Variants in PLXNB2 observed in about 807,000 individuals in gnomAD.
PLXNB2 encodes the protein plexin-B2.
A neutral mutation model predicts 202.6 loss-of-function variants in PLXNB2; 85 were observed. That is an observed-to-expected ratio of 0.42 (90% CI 0.35 to 0.50). PLXNB2 has a LOEUF of 0.50. Ranked by LOEUF, PLXNB2 falls within the 20% of genes least tolerant of loss-of-function variation. PLXNB2 has a pLI of 0.02. For missense variants in PLXNB2, 2,063 were observed against 2,586.2 expected (o/e 0.80, Z 4.39); for synonymous variants, 1,239 against 1,137.6 (o/e 1.09, Z -1.79).
At chr22:50,296,289 C>G (rs2067262230) in intron 1 of PLXNB2, among the ~76,000 whole-genome samples, 1 of 144,232 alleles carries the variant, frequency 6.9e-6, no homozygotes, top group Non-Finnish European at 1.5e-5. Context: ...GGTGGTACAG[C>G]CTGAAGTCCC....
intron 2 of PLXNB2, among the ~76,000 whole-genome samples, chr22:50,294,290 C>T (rs981352824): frequency 2.0e-5 from 3 of 152,252 alleles, no homozygotes; most frequent in African/African-American, 2.4e-5. Flanking sequence ...ACAGCAACTC[C>T]GGCTGCTGCT....
chr22:50,305,702 C>T (rs759836920), intron 1 of PLXNB2, among the ~76,000 whole-genome samples: 5 of 152,240 alleles, frequency 3.3e-5, no homozygotes, highest in East Asian at 1.9e-4. Flanking sequence ...CTCCCTGGCA[C>T]GCACAGGTCA....
chr22:50,289,349 C>T lies in PLXNB2; in HGVS notation c.1068+168G>A, dbSNP rs904994310. 6.6e-6 allele frequency among the ~76,000 whole-genome samples: 1 copy of T among 152,208 alleles called. No homozygotes were observed. Among genetic ancestry groups the T allele is most frequent in the African/African-American group, 2.4e-5 (1 of 41,466 alleles). On this transcript the variant is annotated intron_variant, in intron 3 of 36. Transcript: ENST00000359337. This position sits in a 1 kb window ranked among gnomAD's most constrained non-coding sequence, Gnocchi z 8.0. ...CCCGACACAGGCCTGGGACTGGCGCCAGCGTGAATGGCATTGAGAGATGCG... is the reference window on the plus strand; with the variant it reads ...CCCGACACAGGCCTGGGACTGGCGCTAGCGTGAATGGCATTGAGAGATGCG...
rs377005887 is a variant in PLXNB2, at chr22:50,289,065, T to C, written c.1146A>G (p.Thr382=). ...TCAGGCCTCCACGCTGCAGCACGGC[T>C]GTGCCTCTGAGCCCGTCGCGGCTGC... The part of the protein sequence containing the change: ...PLGSRDGLRG[T]AVLQRGGLNL... The change falls in exon 4 of 37, where the codon ACA becomes ACG. Residue 382 remains threonine, a synonymous_variant. Transcript: ENST00000359337. The surrounding 1 kb of genome is among the most constrained non-coding windows in gnomAD (Gnocchi z 8.0). 1 of 1,605,648 alleles carries C rather than the reference T, an allele frequency of 6.2e-7. No homozygotes were observed. Among genetic ancestry groups the C allele is most frequent in the Non-Finnish European group, 8.5e-7 (1 of 1,175,942 alleles).
rs375805536 is a variant in PLXNB2, at chr22:50,291,585, C to T, written c.-13-988G>A. ...AGGACATGCGTGGTCCTCTCTCTTT[C>T]CCTCCCTACCAGACTCAACTGCATC... On this transcript the variant is annotated intron_variant, in intron 2 of 36. Coordinates refer to ENST00000359337, the MANE Select transcript of PLXNB2 (RefSeq NM_012401.4). This position sits in a 1 kb window ranked among gnomAD's most constrained non-coding sequence, Gnocchi z 4.3. 1.3e-5 allele frequency among the ~76,000 whole-genome samples: 2 copies of T among 152,094 alleles called. No homozygotes were observed. Among genetic ancestry groups the T allele is most frequent in the African/African-American group, 4.8e-5 (2 of 41,422 alleles).
At chr22:50,287,323 C>T (rs899176593) in intron 7 of PLXNB2, 59 bp from the exon 8 acceptor site, 70 of 1,446,754 alleles carry the variant, frequency 4.8e-5, no homozygotes, top group Non-Finnish European at 5.6e-5. Flanking sequence ...GCCCACCTGC[C>T]GGTGACCCGA....
At chr22:50,293,026 G>A (rs1324582117) in intron 2 of PLXNB2, among the ~76,000 whole-genome samples, 1 of 152,206 alleles carries the variant, frequency 6.6e-6, no homozygotes, top group Admixed American at 6.5e-5. Flanking sequence ...CACAGGCTAG[G>A]GAGTTCCTGG....
Position 50,284,160 on chromosome 22 carries a change from G to T in PLXNB2, c.2235C>A (p.Tyr745Ter). ...GGAGCTTGCTGTCGATATTCTTGCC[G>T]TAAGACTTGACGTAGAGGTGCAGGG... is the stretch of plus-strand genomic sequence containing the variant. Reference protein sequence around the residue: ...TLPLHLYVKSYGKNIDSKLHV... With the variant: ...TLPLHLYVKS Residue 745 changes from tyrosine (Y) to a stop codon, truncating the protein, a stop_gained, in exon 13 of 37, where the codon TAC (tyrosine) becomes TAA (stop). Transcript: ENST00000359337. LOFTEE classifies it high-confidence loss of function. The surrounding 1 kb of genome is among the most constrained non-coding windows in gnomAD (Gnocchi z 8.0). 1 of 1,609,974 alleles carries T rather than the reference G, an allele frequency of 6.2e-7. No homozygotes were observed. Among genetic ancestry groups the T allele is most frequent in the Non-Finnish European group, 8.5e-7 (1 of 1,178,800 alleles).
In PLXNB2 at chr22:50,277,578, C is replaced by T. The variant is rs777897643; in HGVS notation, c.5196+13G>A. ...AGGCCTCCCTGCCCCAGACCTGCCC[C>T]CACCCCACTCACGCGGCTCAGCTTA... is the stretch of plus-strand genomic sequence containing the variant. On this transcript the variant is annotated intron_variant, in intron 33 of 36. Transcript: ENST00000359337. 3.9e-5 allele frequency: 60 copies of T among 1,555,684 alleles called. No homozygotes were observed. Among genetic ancestry groups the T allele is most frequent in the Non-Finnish European group, 5.2e-5 (60 of 1,146,814 alleles).
In PLXNB2 at chr22:50,307,605, G is replaced by T. The variant is rs1448376111; in HGVS notation, c.-126C>A. 60 of 982,074 alleles carry T rather than the reference G, an allele frequency of 6.1e-5. No homozygotes were observed. Among genetic ancestry groups the T allele is most frequent in the Non-Finnish European group, 6.8e-5 (56 of 828,668 alleles). 60.8% of individuals were successfully genotyped at this position (982,074 alleles called of 1,614,324 possible). On this transcript the variant is annotated 5_prime_UTR_variant, in exon 1 of 37. Coordinates refer to ENST00000359337, the MANE Select transcript of PLXNB2 (RefSeq NM_012401.4). Reference sequence around the variant, plus strand: ...GCGCCCGGGCCGCGCTCGGCGCTGCGCTCTGGCCCGCGCTGCTGCCATGGA... The same window carrying T: ...GCGCCCGGGCCGCGCTCGGCGCTGCTCTCTGGCCCGCGCTGCTGCCATGGA...
Position 50,287,786 on chromosome 22 carries a change from G to T in PLXNB2, c.1489C>A (p.Arg497=). The change falls in exon 7 of 37, where the codon CGG becomes AGG. Residue 497 remains arginine, a synonymous_variant. Coordinates refer to ENST00000359337, the MANE Select transcript of PLXNB2 (RefSeq NM_012401.4). ...GWCVVEGRCT[R]KAECPRAEEA... ...TCGGCCCGCGGACACTCGGCCTTCC[G>T]GGTGCATCTGCAGGCGCAGGGGGCG... 1 of 1,591,956 alleles carries T rather than the reference G, an allele frequency of 6.3e-7. No individual in the cohort carries two copies. Among genetic ancestry groups the T allele is most frequent in the East Asian group, 2.3e-5 (1 of 44,390 alleles).
Position 50,286,165 on chromosome 22 carries a change from ACACT to A in PLXNB2, c.1877+4_1877+7del. 1 of 1,611,548 alleles carries A rather than the reference ACACT, an allele frequency of 6.2e-7. No individual in the cohort carries two copies. Among genetic ancestry groups the A allele is most frequent in the Non-Finnish European group, 8.5e-7 (1 of 1,178,386 alleles). ...GCAGGGTGGGGTCGATGGGCACAAG[ACACT>A]CACGGCAGGTTCTCCTCCAGGCTCA... On this transcript the variant is annotated splice_donor_5th_base_variant and intron_variant, in intron 9 of 36. Coordinates refer to ENST00000359337, the MANE Select transcript of PLXNB2 (RefSeq NM_012401.4).
chr22:50,283,634 G>A lies in PLXNB2; in HGVS notation c.2538C>T (p.Ser846=). The A allele has an allele frequency of 6.2e-7, 1 of 1,613,044 alleles. No individual in the cohort carries two copies. The highest frequency in any genetic ancestry group is 8.5e-7 in the Non-Finnish European group (1 of 1,179,954). Residue 846 remains serine, a synonymous_variant, in exon 15 of 37, where the codon TCC becomes TCT. Transcript: ENST00000359337. The part of the protein sequence containing the change: ...QRISVAGRNC[S]FQPERYSVST... ...ACACGGAGTAACGTTCCGGCTGAAAGGAGCAGTTCCGGCCGGCCACAGAGA... is the reference window on the plus strand; with the variant it reads ...ACACGGAGTAACGTTCCGGCTGAAAAGAGCAGTTCCGGCCGGCCACAGAGA...
chr22:50,275,956 G>A lies in PLXNB2; in HGVS notation c.5345C>T (p.Thr1782Met), dbSNP rs779890038. 7.4e-6 allele frequency: 12 copies of A among 1,612,418 alleles called. No individual in the cohort carries two copies. The highest frequency in any genetic ancestry group is 2.2e-5 in the East Asian group (1 of 44,878). Residue 1782 changes from threonine (T) to methionine (M), a missense_variant, in exon 36 of 37, where the codon ACG becomes ATG. This residue lies in a region of PLXNB2 where 760 missense variants were observed against 1,109.4 expected (regional missense o/e 0.69). Transcript: ENST00000359337. ...THLAEISRAH[T>M]DSLNTLVALH... ...TGCCACGAGGGTGTTCAAGGAGTCC[G>A]TGTGCGCCTGGGGGGTGACGGGACA...
chr22:50,284,614 T>C lies in PLXNB2; in HGVS notation c.2140A>G (p.Thr714Ala). 1 of 1,611,152 alleles carries C rather than the reference T, an allele frequency of 6.2e-7. No individual in the cohort carries two copies. Among genetic ancestry groups the C allele is most frequent in the East Asian group, 2.2e-5 (1 of 44,488 alleles). Residue 714 changes from threonine to alanine, a missense_variant, in exon 12 of 37, where the codon ACC becomes GCC. Coordinates refer to ENST00000359337, the MANE Select transcript of PLXNB2 (RefSeq NM_012401.4). The surrounding 1 kb of genome is among the most constrained non-coding windows in gnomAD (Gnocchi z 8.0). ...GCGAAGGTCCCAGATTCCTGCATGG[T>C]CACCGGCTCCATGAACTTGAGCAAG... ...SDLLKFMEPV[T>A]MQESGTFAFR...
At position 50,280,674 on chromosome 22, in the gene PLXNB2, T is replaced by G. The variant is rs1044706910; in HGVS notation, c.3994-4A>C. ...GGTTCTCCAGGGTGTGGATGAACTG[T>G]AGGGGCCGGCGGTCAAAGCCTGCCC... On this transcript the variant is annotated splice_region_variant and splice_polypyrimidine_tract_variant and intron_variant, in intron 24 of 36. Coordinates refer to ENST00000359337, the MANE Select transcript of PLXNB2 (RefSeq NM_012401.4). 5.6e-6 allele frequency: 9 copies of G among 1,610,698 alleles called. No homozygotes were observed. The highest frequency in any genetic ancestry group is 7.6e-6 in the Non-Finnish European group (9 of 1,178,712).
chr22:50,279,526 G>A, intron 27 of PLXNB2, 104 bp downstream of exon 27: 1 of 1,117,124 alleles, frequency 9.0e-7, no homozygotes, highest in Non-Finnish European at 1.3e-6. Context: ...CACAGAGGAG[G>A]TGGACGGCCT....
intron 8 of PLXNB2, 116 bp from the exon 9 acceptor site, chr22:50,286,403 G>T: frequency 1.4e-6 from 1 of 692,358 alleles, no homozygotes; most frequent in Non-Finnish European, 2.5e-6. Context: ...TCTTCAGGGG[G>T]CCCTGCCAGG....
chr22:50,287,419 C>A (rs1311171128), intron 7 of PLXNB2, among the ~76,000 whole-genome samples, 155 bp from the exon 8 acceptor site: 1 of 152,134 alleles, frequency 6.6e-6, no homozygotes, highest in Non-Finnish European at 1.5e-5. Flanking sequence ...CTGTGGTCAC[C>A]CCAGCAACTC....
Sources: allele counts gnomAD v4.1 joint callset (sites outside exome capture counted in the v4.1 genomes callset), GRCh38; gene constraint gnomAD v4.1.1; regional missense constraint gnomAD v4.1.1; non-coding constraint Gnocchi (gnomAD v3.1); transcripts MANE v1.5; gene names NCBI Gene and HGNC (gene_info 2026-07-23, HGNC 2026-07-21).